TMEFF2: variants seen among roughly 807,000 people sequenced by gnomAD.
TMEFF2 encodes the protein tomoregulin-2.
In TMEFF2, 28 loss-of-function variants were observed where a neutral mutation model predicts 53.8. The ratio of observed to expected loss-of-function variants is 0.52; its 90% CI spans 0.39 to 0.71. The LOEUF (loss-of-function observed/expected upper bound fraction) is 0.71. TMEFF2 is among the 30% of genes least tolerant of loss of function. The pLI, the probability that TMEFF2 is intolerant of heterozygous loss-of-function variation, is 0.00. For synonymous variants in TMEFF2, 162 were observed against 166.3 expected (o/e 0.97, Z 0.20); for missense variants, 353 against 455.2 (o/e 0.78, Z 2.04).
chr2:192,032,836 GCAAA>G (rs374847992), intron 5 of TMEFF2, among the ~76,000 whole-genome samples: 8 of 152,260 alleles, frequency 5.3e-5, no homozygotes, highest in African/African-American at 1.9e-4. Context: ...CTTTTGAGTA[GCAAA>G]CAAAGTCGTC....
intron 7 of TMEFF2, among the ~76,000 whole-genome samples, chr2:191,983,624 G>A (rs1303531258): frequency 6.6e-6 from 1 of 152,088 alleles, no homozygotes; most frequent in Non-Finnish European, 1.5e-5. Context: ...TCTACCCCAG[G>A]GCATAGGAGC....
At chr2:192,156,383 C>A (rs561464049) in intron 4 of TMEFF2, among the ~76,000 whole-genome samples, 1 of 152,024 alleles carries the variant, frequency 6.6e-6, no homozygotes, top group South Asian at 2.1e-4. Flanking sequence ...GAAAACTAAG[C>A]CACAGAGAAC....
intron 5 of TMEFF2, among the ~76,000 whole-genome samples, chr2:192,030,015 C>T (rs1034262654): frequency 6.6e-6 from 1 of 152,074 alleles, no homozygotes; most frequent in Non-Finnish European, 1.5e-5. Context: ...ATAAAAAAGG[C>T]AAATAATATC....
chr2:192,102,619 TC>T (rs1371270783), intron 4 of TMEFF2, among the ~76,000 whole-genome samples: 56 of 132,506 alleles, frequency 4.2e-4, no homozygotes, highest in African/African-American at 1.5e-3. Flanking sequence ...TTCTTTCTTT[TC>T]TTGTTCTTTT....
chr2:192,121,981 CA>C (rs924139905), intron 4 of TMEFF2, among the ~76,000 whole-genome samples: 1 of 152,038 alleles, frequency 6.6e-6, no homozygotes, highest in Non-Finnish European at 1.5e-5. Context: ...TGTTCTATAG[CA>C]TAATAGAGTG....
intron 4 of TMEFF2, among the ~76,000 whole-genome samples, chr2:192,141,512 C>G (rs137926715): frequency 3.5e-3 from 519 of 148,524 alleles, no homozygotes; most frequent in East Asian, 0.011. Context: ...AGCTAGGTCT[C>G]AAACATGCAT....
At chr2:192,139,287 A>G (rs188523883) in intron 4 of TMEFF2, among the ~76,000 whole-genome samples, 3 of 152,346 alleles carry the variant, frequency 2.0e-5, no homozygotes, top group African/African-American at 7.2e-5. Context: ...TGATGAATAT[A>G]ATCATCGCTT....
Position 191,972,307 on chromosome 2 carries a change from G to GC in TMEFF2, c.746-15930dup, listed in dbSNP as rs1450708389. 5.6e-3 allele frequency among the ~76,000 whole-genome samples: 651 copies of GC among 116,158 alleles called. 24 individuals carry two copies. The highest frequency in any genetic ancestry group is 0.021 in the African/African-American group (605 of 28,536). 76.2% of individuals were successfully genotyped at this position (116,158 alleles called of 152,430 possible). On this transcript the variant is annotated intron_variant, in intron 7 of 9. Coordinates refer to ENST00000272771, the MANE Select transcript of TMEFF2 (RefSeq NM_016192.4). ...TTACAGGCACCCACCATCATGCCCAGCTTTTTTTTTTTTTTTTTTTTTTTT... is the reference window on the plus strand; with the variant it reads ...TTACAGGCACCCACCATCATGCCCAGCCTTTTTTTTTTTTTTTTTTTTTTTT...
At chr2:192,150,710 T>TC (rs34094731) in intron 4 of TMEFF2, among the ~76,000 whole-genome samples, 1 of 150,842 alleles carries the variant, frequency 6.6e-6, no homozygotes, top group Non-Finnish European at 1.5e-5. Context: ...TTTTTTTTTT[T>TC]ACATTCAGTT....
intron 4 of TMEFF2, among the ~76,000 whole-genome samples, chr2:192,137,803 AAT>A (rs1470635083): frequency 1.4e-5 from 2 of 148,072 alleles, no homozygotes. Flanking sequence ...AATATATACA[AAT>A]ATATATATAT....
At chr2:192,162,607 A>T (rs1690661431) in intron 4 of TMEFF2, among the ~76,000 whole-genome samples, 1 of 152,160 alleles carries the variant, frequency 6.6e-6, no homozygotes, top group African/African-American at 2.4e-5. Context: ...AATAGGTATG[A>T]TATGAGCGCC....
At chr2:192,075,683 T>C (rs1372522361) in intron 4 of TMEFF2, among the ~76,000 whole-genome samples, 2 of 151,912 alleles carry the variant, frequency 1.3e-5, no homozygotes, top group African/African-American at 2.4e-5. Context: ...TCTGAATAAA[T>C]AGAAGCCTTC....
At chr2:192,109,109 A>G (rs954635247) in intron 4 of TMEFF2, among the ~76,000 whole-genome samples, 8 of 152,062 alleles carry the variant, frequency 5.3e-5, no homozygotes, top group African/African-American at 1.9e-4. Context: ...TGGCTGCACA[A>G]TACTGTGTAC....
At chr2:192,155,651 A>G (rs1346607814) in intron 4 of TMEFF2, among the ~76,000 whole-genome samples, 1 of 151,966 alleles carries the variant, frequency 6.6e-6, no homozygotes, top group Non-Finnish European at 1.5e-5. Context: ...AATCAGTTTA[A>G]AAACCATCTG....
chr2:191,972,216 C>G (rs1267910405), intron 7 of TMEFF2, among the ~76,000 whole-genome samples: 23 of 149,348 alleles, frequency 1.5e-4, no homozygotes, highest in Admixed American at 6.0e-4. Flanking sequence ...GCAATCTTGG[C>G]TCACTGCAAC....
chr2:191,987,865 A>ATAAT (rs1485462763), intron 7 of TMEFF2, among the ~76,000 whole-genome samples: 1 of 152,158 alleles, frequency 6.6e-6, no homozygotes, highest in Non-Finnish European at 1.5e-5. Context: ...TAACACACAT[A>ATAAT]TAATTTCTAG....
intron 4 of TMEFF2, among the ~76,000 whole-genome samples, chr2:192,164,114 T>C (rs892914477): frequency 2.0e-5 from 3 of 152,196 alleles, no homozygotes; most frequent in African/African-American, 7.2e-5. Context: ...TTTGAAAATA[T>C]AAACCGGATT....
intron 5 of TMEFF2, chr2:192,043,598 G>A (rs1174826652): frequency 6.6e-6 from 1 of 152,218 alleles, no homozygotes; most frequent in African/African-American, 2.4e-5. Context: ...CTTTAGCTCA[G>A]TTCCATCTCA....
intron 5 of TMEFF2, among the ~76,000 whole-genome samples, chr2:192,032,984 C>T (rs993722286): frequency 3.3e-5 from 5 of 152,156 alleles, no homozygotes; most frequent in African/African-American, 1.2e-4. Context: ...TTAATACCTA[C>T]ACTAGTATTC....
Sources: gnomAD v4.1 joint callset for allele counts (sites outside exome capture counted in the v4.1 genomes callset) on GRCh38, gnomAD v4.1.1 for gene constraint, MANE v1.5 for transcripts, NCBI Gene and HGNC (gene_info 2026-07-23, HGNC 2026-07-21) for gene names.